The following NELL1 variants were observed in gnomAD, a reference collection of about 807,000 sequenced individuals.
NELL1 encodes protein kinase C-binding protein NELL1.
NELL1 carries 76 observed loss-of-function variants against 107.4 expected under a neutral mutation model. The ratio of observed to expected loss-of-function variants is 0.71; its 90% CI spans 0.59 to 0.86. The LOEUF is 0.86. Among genes scored for constraint, NELL1 ranks in the 40% least tolerant of loss-of-function variants. The pLI is 0.00. For missense variants in NELL1, 1,024 were observed against 1,005.5 expected (o/e 1.02, Z -0.25); for synonymous variants, 353 against 341.2 (o/e 1.03, Z -0.38).
intron 13 of NELL1, among the ~76,000 whole-genome samples, chr11:21,169,559 A>T (rs746086813): frequency 2.0e-5 from 3 of 151,804 alleles, no homozygotes; most frequent in Non-Finnish European, 4.4e-5. Context: ...ATAAGATTTG[A>T]TTTGTGATTT....
intron 11 of NELL1, among the ~76,000 whole-genome samples, 159 bp downstream of exon 11, chr11:20,947,594 TCTC>T (rs1278412381): frequency 6.6e-6 from 1 of 152,134 alleles, no homozygotes; most frequent in Admixed American, 6.5e-5. Flanking sequence ...TCAGTCATAG[TCTC>T]CTCAATTATA....
rs865993511 is a variant in NELL1 at position 20,975,886 on chromosome 11, T to C, written c.1300+15326T>C. On this transcript the variant is annotated intron_variant, in intron 12 of 19. Coordinates refer to ENST00000357134, the MANE Select transcript of NELL1 (RefSeq NM_006157.5). ...TGTATTATATATACACATACATGTGTATTATATATACATATATGTGTATTA... is the reference window on the plus strand; with the variant it reads ...TGTATTATATATACACATACATGTGCATTATATATACATATATGTGTATTA... Among the ~76,000 whole-genome samples the C allele has an allele frequency of 2.8e-4, 33 of 118,930 alleles. 1 individual carries two copies. In the South Asian group the frequency reaches 3.1e-3, roughly 11 times the overall value. The allele number at this position is 118,930 out of a possible 152,430, so 78.0% of individuals were successfully genotyped here. A position where few individuals can be genotyped will look rare whatever the true frequency, so the allele number is the denominator to read the frequency against.
intron 2 of NELL1, among the ~76,000 whole-genome samples, chr11:20,744,416 T>G (rs1380374852): frequency 6.6e-6 from 1 of 152,226 alleles, no homozygotes; most frequent in African/African-American, 2.4e-5. Context: ...GCTATTGCTG[T>G]ATAACACACT....
intron 15 of NELL1, among the ~76,000 whole-genome samples, chr11:21,525,730 C>A (rs1855836704): frequency 2.0e-5 from 3 of 152,190 alleles, no homozygotes; most frequent in African/African-American, 7.2e-5. Flanking sequence ...AAAGTCAAGT[C>A]TCACATGGTG....
chr11:21,273,176 A>G (rs113466148), intron 14 of NELL1, among the ~76,000 whole-genome samples: 1 of 152,212 alleles, frequency 6.6e-6, no homozygotes, highest in Admixed American at 6.5e-5. Flanking sequence ...ACGAATGGCT[A>G]ACTAGAATAA....
At chr11:21,309,303 T>C (rs1184880048) in intron 14 of NELL1, among the ~76,000 whole-genome samples, 1 of 125,702 alleles carries the variant, frequency 8.0e-6, no homozygotes, top group African/African-American at 3.0e-5. Context: ...TATATATGTA[T>C]ATATATATAA....
intron 15 of NELL1, among the ~76,000 whole-genome samples, chr11:21,503,581 G>A (rs1855204650): frequency 2.0e-5 from 3 of 152,110 alleles, no homozygotes; most frequent in African/African-American, 7.2e-5. Context: ...AAAGTACAAT[G>A]ATATAGCATA....
intron 13 of NELL1, among the ~76,000 whole-genome samples, chr11:21,131,678 G>C (rs914603050): frequency 1.3e-5 from 2 of 152,070 alleles, no homozygotes; most frequent in Admixed American, 6.6e-5. Context: ...TAATCATTTG[G>C]AGCATTGCAA....
intron 2 of NELL1, among the ~76,000 whole-genome samples, chr11:20,703,288 A>G (rs961599912): frequency 1.2e-4 from 19 of 152,186 alleles, no homozygotes; most frequent in Admixed American, 1.2e-3. Flanking sequence ...TCATTTATGT[A>G]GAGGTGTTTA....
At position 21,508,108 on chromosome 11, in the gene NELL1, A is replaced by G. The variant is rs146376431; in HGVS notation, c.1646-26266A>G. On this transcript the variant is annotated intron_variant, in intron 15 of 19. Coordinates refer to ENST00000357134, the MANE Select transcript of NELL1 (RefSeq NM_006157.5). Reference sequence around the variant, plus strand: ...CTGCAGAAGTTATTTCTTTGAAAATATTTATAATATAAACAAAATCCTGGT... The same window carrying G: ...CTGCAGAAGTTATTTCTTTGAAAATGTTTATAATATAAACAAAATCCTGGT... Among the ~76,000 whole-genome samples, 727 of 152,264 alleles carry G rather than the reference A, an allele frequency of 4.8e-3. 11 individuals carry two copies. Among genetic ancestry groups the G allele is most frequent in the African/African-American group, 0.014 (594 of 41,540 alleles).
At chr11:21,377,415 A>G (rs1471065524) in intron 15 of NELL1, among the ~76,000 whole-genome samples, 3 of 152,112 alleles carry the variant, frequency 2.0e-5, no homozygotes, top group Non-Finnish European at 4.4e-5. Flanking sequence ...ATGGTGAGTT[A>G]ACTTTTTCAT....
intron 15 of NELL1, among the ~76,000 whole-genome samples, chr11:21,512,539 G>A (rs1423137058): frequency 6.6e-6 from 1 of 152,072 alleles, no homozygotes; most frequent in Non-Finnish European, 1.5e-5. Flanking sequence ...CAAGGAAAAT[G>A]TACTACTGAG....
intron 16 of NELL1, among the ~76,000 whole-genome samples, chr11:21,546,978 T>C (rs1856458770): frequency 6.6e-6 from 1 of 151,962 alleles, no homozygotes; most frequent in African/African-American, 2.4e-5. Context: ...TCAGTGTTAG[T>C]TCCTGTACTA....
intron 15 of NELL1, among the ~76,000 whole-genome samples, chr11:21,410,357 G>C (rs1217499999): frequency 2.0e-5 from 3 of 152,052 alleles, no homozygotes; most frequent in Non-Finnish European, 2.9e-5. Flanking sequence ...AATACATTCT[G>C]AGTAAATTTC....
At chr11:21,538,086 A>AAAG (rs1856183997) in intron 16 of NELL1, among the ~76,000 whole-genome samples, 1 of 152,154 alleles carries the variant, frequency 6.6e-6, no homozygotes, top group African/African-American at 2.4e-5. Flanking sequence ...CTTACATTTA[A>AAAG]AAGAAATATC....
Position 20,755,552 on chromosome 11 carries a change from TTTTG to T in NELL1, c.185-28124_185-28121del, listed in dbSNP as rs1856250804. 4.8e-5 allele frequency among the ~76,000 whole-genome samples: 2 copies of T among 41,452 alleles called. 1 individual carries two copies. The highest frequency in any genetic ancestry group is 2.3e-3 in the South Asian group (2 of 882). The allele number at this position is 41,452 out of a possible 152,430, so 27.2% of individuals were successfully genotyped here. On this transcript the variant is annotated intron_variant, in intron 2 of 19. Transcript: ENST00000357134. ...TGTGTGGGTTTTTGTTTTTTTTTGT[TTTTG>T]TTTTTGTTTTTTTTTTTTTGAGACA... is the stretch of plus-strand genomic sequence containing the variant.
chr11:20,676,251 AC>A (rs924528204), intron 1 of NELL1, among the ~76,000 whole-genome samples: 2 of 135,716 alleles, frequency 1.5e-5, no homozygotes, highest in African/African-American at 2.7e-5. Flanking sequence ...CTAAAGTAGG[AC>A]CCCCCCATCC....
intron 13 of NELL1, among the ~76,000 whole-genome samples, chr11:21,175,643 C>T (rs998662286): frequency 1.3e-5 from 2 of 151,830 alleles, no homozygotes; most frequent in Admixed American, 1.3e-4. Context: ...TTCTGTTTCA[C>T]GACTCTACAA....
intron 11 of NELL1, among the ~76,000 whole-genome samples, chr11:20,948,053 T>A (rs1850999592): frequency 6.6e-6 from 1 of 152,056 alleles, no homozygotes; most frequent in Non-Finnish European, 1.5e-5. Context: ...ATTATTATTA[T>A]TAGTTTAGAG....
Sources: allele counts gnomAD v4.1 joint callset (sites outside exome capture counted in the v4.1 genomes callset), GRCh38; gene constraint gnomAD v4.1.1; transcripts MANE v1.5; gene names NCBI Gene and HGNC (gene_info 2026-07-23, HGNC 2026-07-21).